Variants in METTL15 observed in about 807,000 individuals in gnomAD.
METTL15 encodes the protein 12S rRNA N(4)-cytidine methyltransferase METTL15.
METTL15 carries 34 observed loss-of-function variants against 38.3 expected under a neutral mutation model. The observed-to-expected ratio is 0.89, with a 90% confidence interval of 0.68 to 1.18. The LOEUF is 1.18. Among genes scored for constraint, METTL15 ranks in the 50% most tolerant of loss-of-function variants. The pLI is 0.00. For synonymous variants in METTL15, 162 were observed against 170.9 expected, an observed-to-expected ratio of 0.95 and a Z score of 0.41; for missense variants, 438 against 498.4, an observed-to-expected ratio of 0.88 and a Z score of 1.15.
chr11:28,457,557 C>T (rs1851179436), intron 6 of METTL15, among the ~76,000 whole-genome samples: 1 of 152,292 alleles, frequency 6.6e-6, no homozygotes, highest in Non-Finnish European at 1.5e-5. Flanking sequence ...GAAACTGAAG[C>T]TTTTAGATGC....
rs141615791 is a variant in METTL15, at chr11:28,249,662, C to T, written c.407+38464C>T. 3.9e-5 allele frequency among the ~76,000 whole-genome samples: 6 copies of T among 151,968 alleles called. No homozygotes were observed. The East Asian group carries it at 1.2e-3, about 29-fold the overall frequency. ...ATCGTGTTATATAATTTAGTTCTGT[C>T]ACCCTATTACACAGATAATGCTATT... On this transcript the variant is annotated intron_variant, in intron 4 of 6. Transcript: ENST00000407364.
intron 5 of METTL15, among the ~76,000 whole-genome samples, chr11:28,408,274 A>G (rs904926928): frequency 5.9e-5 from 9 of 152,166 alleles, no homozygotes; most frequent in Non-Finnish European, 2.9e-5. Flanking sequence ...TACCTAAGTA[A>G]CAAACCTGCA....
At chr11:28,301,196 C>A (rs1256060797) in intron 6 of METTL15, among the ~76,000 whole-genome samples, 2 of 152,056 alleles carry the variant, frequency 1.3e-5, no homozygotes, top group African/African-American at 4.8e-5. Flanking sequence ...TATAGTCTTT[C>A]CAGCACACCA....
intron 4 of METTL15, among the ~76,000 whole-genome samples, chr11:28,353,151 G>A (rs1850056906): frequency 6.6e-6 from 1 of 152,132 alleles, no homozygotes; most frequent in South Asian, 2.1e-4. Context: ...TTCAGAGTAA[G>A]GTAATGTGAG....
intron 3 of METTL15, among the ~76,000 whole-genome samples, chr11:28,159,280 G>T (rs1049159066): frequency 3.9e-5 from 6 of 152,228 alleles, no homozygotes; most frequent in Middle Eastern, 3.4e-3. Flanking sequence ...CGCAACGGAG[G>T]TAAGGAAGAG....
At chr11:28,493,402 C>A (rs878856109) in intron 6 of METTL15, among the ~76,000 whole-genome samples, 11 of 152,136 alleles carry the variant, frequency 7.2e-5, no homozygotes, top group Non-Finnish European at 1.6e-4. Flanking sequence ...GCTGAAGCTT[C>A]CGTTAGTTAT....
intron 6 of METTL15, among the ~76,000 whole-genome samples, chr11:28,452,350 G>T (rs1851130083): frequency 6.6e-6 from 1 of 152,128 alleles, no homozygotes; most frequent in African/African-American, 2.4e-5. Context: ...GTTATAAATG[G>T]TCTGCAGTTT....
intron 5 of METTL15, among the ~76,000 whole-genome samples, chr11:28,385,138 T>C (rs768307473): frequency 3.0e-4 from 45 of 152,224 alleles, no homozygotes; most frequent in Non-Finnish European, 5.9e-5. Flanking sequence ...GCAGAAGCTC[T>C]TTAGTTTAAT....
At chr11:28,380,696 A>T (rs537206066) in intron 5 of METTL15, among the ~76,000 whole-genome samples, 1 of 152,166 alleles carries the variant, frequency 6.6e-6, no homozygotes, top group Non-Finnish European at 1.5e-5. Context: ...CATCTTATTG[A>T]TATAAAAAGT....
chr11:28,430,904 G>A (rs1850919169), intron 6 of METTL15, among the ~76,000 whole-genome samples: 1 of 119,976 alleles, frequency 8.3e-6, no homozygotes, highest in African/African-American at 3.1e-5. Flanking sequence ...AGGGAGGTGG[G>A]GGGGTCAGCC....
At chr11:28,446,567 GGTAAA>G (rs1209255375) in intron 6 of METTL15, among the ~76,000 whole-genome samples, 1 of 151,826 alleles carries the variant, frequency 6.6e-6, no homozygotes, top group Non-Finnish European at 1.5e-5. Flanking sequence ...ACACATACAG[GGTAAA>G]GTATTGTTAC....
chr11:28,443,272 C>G (rs1851049951), intron 6 of METTL15, among the ~76,000 whole-genome samples: 1 of 151,854 alleles, frequency 6.6e-6, no homozygotes, highest in Non-Finnish European at 1.5e-5. Context: ...GGCTTGGCTT[C>G]TGAGGCATAG....
In METTL15 at chr11:28,507,329, G is replaced by T. The variant is rs759554552; in HGVS notation, c.*425-19149G>T. Among the ~76,000 whole-genome samples, 3 of 152,080 alleles carry T rather than the reference G, an allele frequency of 2.0e-5. No homozygotes were observed. The East Asian group carries it at 5.8e-4, about 29-fold the overall frequency. On this transcript the variant is annotated intron_variant and NMD_transcript_variant, in intron 6 of 7. Coordinates refer to the METTL15 transcript ENST00000532947. Reference sequence around the variant, plus strand: ...GGAGGAAGAGAGAGTGAAGGGGGTGGTGCTACACACTTTTAAACAACCAGA... The same window carrying T: ...GGAGGAAGAGAGAGTGAAGGGGGTGTTGCTACACACTTTTAAACAACCAGA...
intron 1 of METTL15, among the ~76,000 whole-genome samples, chr11:28,108,754 T>C (rs1851592647): frequency 6.6e-6 from 1 of 152,220 alleles, no homozygotes; most frequent in South Asian, 2.1e-4. Context: ...TTGGTTACTT[T>C]TTACATTCTC....
chr11:28,171,996 C>G (rs1359908870), intron 3 of METTL15, among the ~76,000 whole-genome samples: 1 of 151,894 alleles, frequency 6.6e-6, no homozygotes, highest in Non-Finnish European at 1.5e-5. Context: ...AGATGGGGTT[C>G]TACTATGTTG....
intron 5 of METTL15, among the ~76,000 whole-genome samples, chr11:28,404,003 G>T (rs377139772): frequency 2.0e-5 from 3 of 151,904 alleles, no homozygotes. Context: ...TTAGACCACT[G>T]TGTTCAACAT....
At chr11:28,126,681 ATTAAG>A (rs1298107856) in intron 3 of METTL15, among the ~76,000 whole-genome samples, 1 of 152,148 alleles carries the variant, frequency 6.6e-6, no homozygotes, top group African/African-American at 2.4e-5. Context: ...GAAGATGTCT[ATTAAG>A]TTTCTACTGT....
At chr11:28,287,300 G>A (rs1403150050) in intron 4 of METTL15, 3 of 220,120 alleles carry the variant, frequency 1.4e-5, no homozygotes, top group Non-Finnish European at 2.8e-5. Context: ...GGTCCATGAG[G>A]CCGGCTGAGG....
chr11:28,234,620 T>C (rs1230846575), intron 4 of METTL15, among the ~76,000 whole-genome samples: 2 of 151,082 alleles, frequency 1.3e-5, no homozygotes, highest in East Asian at 1.9e-4. Flanking sequence ...GAAGTGTCTG[T>C]TCATGTCCTT....
Sources: gnomAD v4.1 joint callset for allele counts (sites outside exome capture counted in the v4.1 genomes callset) on GRCh38, gnomAD v4.1.1 for gene constraint, MANE v1.5 for transcripts, NCBI Gene and HGNC (gene_info 2026-07-23, HGNC 2026-07-21) for gene names.